The following ENTREP2 variants were observed in gnomAD, a reference collection of about 807,000 sequenced individuals.
ENTREP2 encodes the protein endosomal transmembrane epsin interactor 2.
chr15:29,415,493 T>C, the ENTREP2 span, among the ~76,000 whole-genome samples: 1 of 152,082 alleles, frequency 6.6e-6, no homozygotes, highest in Non-Finnish European at 1.5e-5. Context: ...ATTGATGGGA[T>C]GTATCTCAAA....
At chr15:29,519,155 TCTCTCA>T in the ENTREP2 span, among the ~76,000 whole-genome samples, 1,517 of 151,670 alleles carry the variant, frequency 0.01, 24 homozygotes, top group African/African-American at 0.035. Flanking sequence ...TCTCTCTCTC[TCTCTCA>T]CACACACACA....
chr15:29,137,029 C>T, the ENTREP2 span: 1 of 1,428,828 alleles, frequency 7.0e-7, no homozygotes, highest in Non-Finnish European at 9.1e-7. Flanking sequence ...CCGCGGGAGA[C>T]CAACCTCTGG....
chr15:29,263,630 C>T, the ENTREP2 span, among the ~76,000 whole-genome samples: 3 of 152,190 alleles, frequency 2.0e-5, no homozygotes, highest in African/African-American at 2.4e-5. Flanking sequence ...ATACACACAG[C>T]GGTGCTGTAT....
the ENTREP2 span, among the ~76,000 whole-genome samples, chr15:29,395,735 C>T: frequency 3.3e-5 from 5 of 151,902 alleles, no homozygotes; most frequent in African/African-American, 9.7e-5. Flanking sequence ...GGTTTCGCCA[C>T]GTTGCCCAGG....
the ENTREP2 span, among the ~76,000 whole-genome samples, chr15:29,665,846 C>T: frequency 1.5e-4 from 22 of 147,690 alleles, no homozygotes; most frequent in African/African-American, 4.7e-4. Flanking sequence ...AACTTGTTTA[C>T]ATCATCTTTT....
the ENTREP2 span, among the ~76,000 whole-genome samples, chr15:29,303,938 T>C: frequency 6.6e-6 from 1 of 152,114 alleles, no homozygotes; most frequent in South Asian, 2.1e-4. Flanking sequence ...CGGAATGCAG[T>C]GGCGTGATCT....
chr15:29,322,830 G>C, the ENTREP2 span, among the ~76,000 whole-genome samples: 1 of 152,002 alleles, frequency 6.6e-6, no homozygotes, highest in Non-Finnish European at 1.5e-5. Flanking sequence ...AAATCCTCTT[G>C]GGAAAAAGTA....
At chr15:29,387,521 T>C in the ENTREP2 span, among the ~76,000 whole-genome samples, 1 of 152,158 alleles carries the variant, frequency 6.6e-6, no homozygotes, top group African/African-American at 2.4e-5. Context: ...GAAGAATCAA[T>C]ATCGTGAAAA....
chr15:29,558,690 A>ACTCCTCC, the ENTREP2 span, among the ~76,000 whole-genome samples: 52 of 90 alleles, frequency 0.58, 11 homozygotes, highest in African/African-American at 0.65. Context: ...CTGCAGTTGA[A>ACTCCTCC]AATCCACCTC....
At chr15:29,438,033 C>T in the ENTREP2 span, among the ~76,000 whole-genome samples, 1 of 152,210 alleles carries the variant, frequency 6.6e-6, no homozygotes, top group Admixed American at 6.5e-5. Flanking sequence ...CAGGACCCCA[C>T]CTGGACAGTC....
the ENTREP2 span, among the ~76,000 whole-genome samples, chr15:29,421,002 G>A: frequency 6.6e-6 from 1 of 152,224 alleles, no homozygotes; most frequent in Non-Finnish European, 1.5e-5. Context: ...CTGAGATGCA[G>A]AAAATGACCC....
the ENTREP2 span, among the ~76,000 whole-genome samples, chr15:29,481,486 A>C: frequency 2.0e-5 from 3 of 152,202 alleles, no homozygotes; most frequent in Non-Finnish European, 4.4e-5. Flanking sequence ...TTATACAAAA[A>C]AATAGTATTA....
the ENTREP2 span, among the ~76,000 whole-genome samples, chr15:29,357,885 T>C: frequency 6.6e-6 from 1 of 151,008 alleles, no homozygotes; most frequent in Admixed American, 6.6e-5. Flanking sequence ...GTTGATCTCA[T>C]TAGGAACAAG....
the ENTREP2 span, among the ~76,000 whole-genome samples, chr15:29,492,017 C>CT: frequency 1.8e-4 from 27 of 152,216 alleles, no homozygotes; most frequent in East Asian, 5.2e-3. Context: ...AAGGCCCAAT[C>CT]TGTCAAAGCC....
the ENTREP2 span, among the ~76,000 whole-genome samples, chr15:29,256,072 T>C: frequency 3.3e-5 from 5 of 151,120 alleles, no homozygotes; most frequent in South Asian, 8.4e-4. Context: ...GTCCATATTA[T>C]ATGAATTAAC....
At chr15:29,349,189 C>T in the ENTREP2 span, among the ~76,000 whole-genome samples, 20 of 152,144 alleles carry the variant, frequency 1.3e-4, no homozygotes, top group African/African-American at 4.8e-4. Flanking sequence ...AACATGTGGG[C>T]TCCTTCCTGC....
At chr15:29,303,181 T>C in the ENTREP2 span, among the ~76,000 whole-genome samples, 4 of 152,214 alleles carry the variant, frequency 2.6e-5, no homozygotes, top group Non-Finnish European at 5.9e-5. Context: ...ACCTGCTGTA[T>C]CCTTCTCAGC....
chr15:29,403,813 C>G, the ENTREP2 span, among the ~76,000 whole-genome samples: 27 of 152,300 alleles, frequency 1.8e-4, no homozygotes, highest in South Asian at 6.2e-4. Context: ...AATTCTTGCC[C>G]AGAGAGCCCA....
At chr15:29,662,490 C>A in the ENTREP2 span, among the ~76,000 whole-genome samples, 8 of 152,190 alleles carry the variant, frequency 5.3e-5, no homozygotes, top group Admixed American at 4.6e-4. Context: ...CATCCTCGCC[C>A]CTCCTTTGTA....
Sources: gnomAD v4.1 joint callset for allele counts (sites outside exome capture counted in the v4.1 genomes callset) on GRCh38, gnomAD v4.1.1 for gene constraint, MANE v1.5 for transcripts, NCBI Gene and HGNC (gene_info 2026-07-23, HGNC 2026-07-21) for gene names.